Variants in SERPINE3 observed in about 807,000 individuals in gnomAD.
The protein encoded by SERPINE3 is serpin E3.
In SERPINE3, 43 loss-of-function variants were observed where a neutral mutation model predicts 41.7. The ratio of observed to expected loss-of-function variants is 1.03; its 90% CI spans 0.81 to 1.33. The LOEUF (loss-of-function observed/expected upper bound fraction) is 1.33. SERPINE3 is among the 40% of genes most tolerant of loss of function. The pLI is 0.00. For missense variants in SERPINE3, 440 were observed against 491.7 expected, an observed-to-expected ratio of 0.89 and a Z score of 0.99; for synonymous variants, 200 against 192.2, an observed-to-expected ratio of 1.04 and a Z score of -0.34.
At position 51,361,295 on chromosome 13, in the gene SERPINE3, G is replaced by A. The variant is rs1955570587; in HGVS notation, c.1018G>A (p.Val340Ile). The change falls in exon 8 of 10, where the codon GTT becomes ATT. Residue 340 changes from valine (V) to isoleucine (I), a missense_variant. Physicochemically the swap from Val to Ile is conservative, Grantham distance 29 (BLOSUM62 3). Transcript: ENST00000681248. ...GTGGTTAGGCCAAGATGGCTTTTATGTTTCTGAAGCAATCCACAAGGCCAA... is the reference window on the plus strand; with the variant it reads ...GTGGTTAGGCCAAGATGGCTTTTATATTTCTGAAGCAATCCACAAGGCCAA... ...KGISGQDGFY[V>I]SEAIHKAKIE... 1 of 1,609,302 alleles carries A rather than the reference G, an allele frequency of 6.2e-7. No individual in the cohort carries two copies. Among genetic ancestry groups the A allele is most frequent in the South Asian group, 1.1e-5 (1 of 90,430 alleles).
intron 4 of SERPINE3, among the ~76,000 whole-genome samples, chr13:51,346,091 G>A (rs1290692413): frequency 6.6e-6 from 1 of 152,204 alleles, no homozygotes; most frequent in African/African-American, 2.4e-5. Context: ...GAACTGTTAG[G>A]AGGAGTCGGT....
intron 9 of SERPINE3, 61 bp from the exon 10 acceptor site, chr13:51,364,178 A>C (rs1955639297): frequency 1.3e-6 from 1 of 796,206 alleles, no homozygotes; most frequent in African/African-American, 1.8e-5. Flanking sequence ...GAAGTAAACA[A>C]AGCTTAAAGA....
chr13:51,341,892 G>T (rs912151457), intron 3 of SERPINE3, among the ~76,000 whole-genome samples: 1 of 152,166 alleles, frequency 6.6e-6, no homozygotes, highest in Admixed American at 6.5e-5. Context: ...AGGCTGCCTG[G>T]TTTAAGAGCC....
chr13:51,361,509 A>G (rs1955574419), intron 8 of SERPINE3, 145 bp downstream of exon 8: 1 of 637,534 alleles, frequency 1.6e-6, no homozygotes, highest in Non-Finnish European at 2.7e-6. Flanking sequence ...AACACTAAAG[A>G]AAACAAAAAG....
Position 51,347,217 on chromosome 13 carries a change from C to A in SERPINE3, c.683C>A (p.Thr228Lys). The A allele has an allele frequency of 1.9e-6, 3 of 1,613,790 alleles. No homozygotes were observed. The highest frequency in any genetic ancestry group is 1.7e-5 in the Admixed American group (1 of 60,022). Residue 228 changes from threonine (T) to lysine (K), a missense_variant, in exon 5 of 10, where the codon ACG (threonine) becomes AAG (lysine). Transcript: ENST00000681248. ...LVLQVPMMHQTTEVNYGQFQD... is the reference protein window; with the variant it reads ...LVLQVPMMHQKTEVNYGQFQD... ...CTTCAGGTCCCCATGATGCACCAAA[C>A]GACCGAGGTCAACTACGGTGAGCTC...
rs1475327945 is a variant in SERPINE3, at chr13:51,344,315, C to G, written c.320C>G (p.Thr107Ser). 6.2e-7 allele frequency: 1 copy of G among 1,613,998 alleles called. No individual in the cohort carries two copies. Residue 107 changes from threonine to serine, a missense_variant, in exon 4 of 10, where the codon ACC becomes AGC. Physicochemically the swap from Thr to Ser is moderately conservative, Grantham distance 58. Transcript: ENST00000681248. ...YATLPTSSQGTEMELACSLFV... is the reference protein window; with the variant it reads ...YATLPTSSQGSEMELACSLFV... Reference sequence around the variant, plus strand: ...ACACTACCCACCTCCAGCCAAGGCACCGAGATGGAGCTGGCCTGCAGCCTT... The same window carrying G: ...ACACTACCCACCTCCAGCCAAGGCAGCGAGATGGAGCTGGCCTGCAGCCTT...
At chr13:51,344,958 T>G (rs1287308312) in intron 4 of SERPINE3, among the ~76,000 whole-genome samples, 3 of 151,886 alleles carry the variant, frequency 2.0e-5, no homozygotes, top group Non-Finnish European at 4.4e-5. Flanking sequence ...AGCTCAGTGT[T>G]ATTGAAGAAA....
In SERPINE3 at chr13:51,344,466, G is replaced by A; in HGVS notation, c.471G>A (p.Gly157=). 1 of 1,590,896 alleles carries A rather than the reference G, an allele frequency of 6.3e-7. No individual in the cohort carries two copies. The highest frequency in any genetic ancestry group is 8.6e-7 in the Non-Finnish European group (1 of 1,168,128). The stretch of plus-strand genomic sequence containing the variant: ...GCACCGCCATCCAGACTAGCGAAGG[G>A]GCCTCCAGAGAGACTGCAGGTAAAA... The part of the protein sequence containing the change: ...PNSTAIQTSE[G]ASRETAGGGP... Residue 157 remains glycine, a synonymous_variant, in exon 4 of 10, where the codon GGG becomes GGA. Coordinates refer to ENST00000681248, the MANE Select transcript of SERPINE3 (RefSeq NM_001386375.1).
intron 4 of SERPINE3, among the ~76,000 whole-genome samples, chr13:51,345,974 G>A (rs1346532573): frequency 6.6e-6 from 1 of 152,172 alleles, no homozygotes; most frequent in Non-Finnish European, 1.5e-5. Context: ...AATCCACATT[G>A]CATTGGGTAA....
rs1353865229 is a variant in SERPINE3, at chr13:51,348,384, G to A, written c.872G>A (p.Arg291Lys). 1.9e-6 allele frequency: 3 copies of A among 1,613,840 alleles called. No individual in the cohort carries two copies. The African/African-American group carries it at 4.0e-5, about 22-fold the overall frequency. ...TIHLWTTSLR[R>K]ARMDVFLPRF... ...CACCTCTGGACCACCAGCCTGAGGAGAGCCAGGATGGATGTGTTCCTGCCC... is the reference window on the plus strand; with the variant it reads ...CACCTCTGGACCACCAGCCTGAGGAAAGCCAGGATGGATGTGTTCCTGCCC... Residue 291 changes from arginine (R) to lysine (K), a missense_variant, in exon 6 of 10, where the codon AGA becomes AAA. Physicochemically the swap from Arg to Lys is conservative, Grantham distance 26 (BLOSUM62 2). Transcript: ENST00000681248.
chr13:51,348,150 C>G (rs759691091), intron 5 of SERPINE3, 63 bp from the exon 6 acceptor site: 1 of 1,305,276 alleles, frequency 7.7e-7, no homozygotes, highest in Non-Finnish European at 1.1e-6. Context: ...TCTCAGGGTC[C>G]GACACTGGTT....
chr13:51,358,770 G>T (rs1955518695), intron 7 of SERPINE3, among the ~76,000 whole-genome samples: 1 of 152,090 alleles, frequency 6.6e-6, no homozygotes, highest in Admixed American at 6.6e-5. Flanking sequence ...GAAGAGTGGA[G>T]AGTATGCCAG....
intron 3 of SERPINE3, among the ~76,000 whole-genome samples, chr13:51,341,777 TTTA>T (rs1385020324): frequency 6.6e-6 from 1 of 152,126 alleles, no homozygotes; most frequent in African/African-American, 2.4e-5. Flanking sequence ...GGATGATAAT[TTTA>T]TTATCATCCC....
intron 4 of SERPINE3, among the ~76,000 whole-genome samples, chr13:51,345,264 G>A (rs767075798): frequency 2.2e-4 from 33 of 152,226 alleles, no homozygotes; most frequent in South Asian, 6.2e-4. Context: ...CAGGTGGTCC[G>A]GCTCCAGCAT....
chr13:51,360,293 C>T (rs1955551839), intron 7 of SERPINE3, among the ~76,000 whole-genome samples: 1 of 151,928 alleles, frequency 6.6e-6, no homozygotes, highest in African/African-American at 2.4e-5. Context: ...CTAGCATACA[C>T]TTTCTGAAAG....
chr13:51,346,744 T>C (rs562548269), intron 4 of SERPINE3, among the ~76,000 whole-genome samples: 1 of 152,318 alleles, frequency 6.6e-6, no homozygotes, highest in East Asian at 1.9e-4. Flanking sequence ...AGACTCTAGG[T>C]CTAGGATTTT....
chr13:51,361,605 G>A, intron 8 of SERPINE3: 1 of 587,744 alleles, frequency 1.7e-6, no homozygotes, highest in Non-Finnish European at 3.0e-6. Context: ...TTATTCCATG[G>A]AATGTGTTGA....
intron 3 of SERPINE3, among the ~76,000 whole-genome samples, chr13:51,342,260 G>A (rs936186854): frequency 2.6e-5 from 4 of 151,610 alleles, no homozygotes; most frequent in African/African-American, 9.7e-5. Flanking sequence ...GTCCTAGGCA[G>A]GGTCATCCCG....
chr13:51,345,088 G>A (rs1035512457), intron 4 of SERPINE3, among the ~76,000 whole-genome samples: 12 of 152,198 alleles, frequency 7.9e-5, no homozygotes, highest in Non-Finnish European at 1.8e-4. Context: ...CGTTTACTGA[G>A]TGTTTAGTTT....
Sources: gnomAD v4.1 joint callset for allele counts (sites outside exome capture counted in the v4.1 genomes callset) on GRCh38, gnomAD v4.1.1 for gene constraint, MANE v1.5 for transcripts, NCBI Gene and HGNC (gene_info 2026-07-23, HGNC 2026-07-21) for gene names.